FREM1: variants seen among roughly 807,000 people sequenced by gnomAD.
The protein encoded by FREM1 is FRAS1 related extracellular matrix 1, also known as FRAS1-related extracellular matrix protein 1.
A neutral mutation model predicts 210.1 loss-of-function variants in FREM1; 220 were observed. The ratio of observed to expected loss-of-function variants is 1.05; its 90% CI spans 0.94 to 1.17. FREM1 has a LOEUF of 1.17. FREM1 is among the 50% of genes most tolerant of loss of function. The pLI, the probability that FREM1 is intolerant of heterozygous loss-of-function variation, is 0.00. For synonymous variants in FREM1, 1,189 were observed against 980.2 expected (o/e 1.21, Z -3.98); for missense variants, 3,454 against 2,675.5 (o/e 1.29, Z -6.42).
intron 10 of FREM1, among the ~76,000 whole-genome samples, 181 bp downstream of exon 10, chr9:14,841,266 T>C (rs1389684529): frequency 6.6e-6 from 1 of 152,206 alleles, no homozygotes; most frequent in Admixed American, 6.5e-5. Flanking sequence ...TCTATAAAAG[T>C]CTTTCAAAAA....
At chr9:14,740,336 A>G in intron 35 of FREM1, 102 bp from the exon 36 acceptor site, 2 of 847,954 alleles carry the variant, frequency 2.4e-6, no homozygotes, top group Non-Finnish European at 3.8e-6. Context: ...ATACACAAAA[A>G]AGTAGGTCTT....
intron 29 of FREM1, among the ~76,000 whole-genome samples, chr9:14,754,963 A>C (rs1371366340): frequency 6.6e-6 from 1 of 152,144 alleles, no homozygotes; most frequent in African/African-American, 2.4e-5. Flanking sequence ...GGGACTTTAT[A>C]ACACAGACAT....
At chr9:14,828,643 C>G (rs2779506) in intron 10 of FREM1, among the ~76,000 whole-genome samples, 18,610 of 48,508 alleles carry the variant, frequency 0.38, 2,711 homozygotes, top group East Asian at 0.66. Flanking sequence ...TGTGGCGGGG[C>G]GGGGGAGGTG....
intron 3 of FREM1, among the ~76,000 whole-genome samples, chr9:14,860,814 T>C (rs1260191333): frequency 1.0e-5 from 1 of 95,714 alleles, no homozygotes; most frequent in East Asian, 2.9e-4. Flanking sequence ...TATACATATA[T>C]ACACATATAT....
intron 3 of FREM1, among the ~76,000 whole-genome samples, chr9:14,860,720 C>CATAT (rs200736147): frequency 1.2e-5 from 1 of 86,624 alleles, no homozygotes; most frequent in Non-Finnish European, 2.3e-5. Context: ...CATATATACA[C>CATAT]ATATATACAC....
chr9:14,807,047 C>T (rs1818498841), intron 17 of FREM1, among the ~76,000 whole-genome samples: 1 of 152,090 alleles, frequency 6.6e-6, no homozygotes, highest in Non-Finnish European at 1.5e-5. Flanking sequence ...TTTACTTTGA[C>T]CTATGGAATT....
At chr9:14,738,540 G>C (rs1270032240) in intron 36 of FREM1, among the ~76,000 whole-genome samples, 1 of 152,154 alleles carries the variant, frequency 6.6e-6, no homozygotes. Flanking sequence ...CCTCCAGCTT[G>C]TCTCTTAATA....
chr9:14,780,800 T>C (rs1849538826), intron 24 of FREM1, among the ~76,000 whole-genome samples: 1 of 152,200 alleles, frequency 6.6e-6, no homozygotes, highest in Non-Finnish European at 1.5e-5. Context: ...GTGATTAGAT[T>C]GGTTGCATAT....
At chr9:14,805,708 T>C (rs1818226329) in intron 18 of FREM1, among the ~76,000 whole-genome samples, 6 of 152,248 alleles carry the variant, frequency 3.9e-5, no homozygotes, top group Admixed American at 3.9e-4. Flanking sequence ...CTGAGTAACA[T>C]TGAATGCAAT....
At chr9:14,904,997 T>C (rs1817443288) in intron 1 of FREM1, among the ~76,000 whole-genome samples, 1 of 151,906 alleles carries the variant, frequency 6.6e-6, no homozygotes, top group African/African-American at 2.4e-5. Flanking sequence ...CAGGCCTCAA[T>C]CTCCCAAACC....
chr9:14,857,661 G>C lies in FREM1; in HGVS notation c.720C>G (p.Phe240Leu). ...IGSLKVSCEE[F>L]LLMGLRYQHL... ...GCTGATAACGAAGGCCCATCAGCAG[G>C]AACTCCTCACAGCTCACTTTGAGGC... is the stretch of plus-strand genomic sequence containing the variant. Residue 240 changes from phenylalanine (F) to leucine (L), a missense_variant, in exon 5 of 37, where the codon TTC becomes TTG. Coordinates refer to ENST00000380880, the MANE Select transcript of FREM1 (RefSeq NM_001379081.2). The C allele has an allele frequency of 6.2e-7, 1 of 1,613,574 alleles. No homozygotes were observed. Among genetic ancestry groups the C allele is most frequent in the Non-Finnish European group, 8.5e-7 (1 of 1,179,596 alleles).
At chr9:14,806,533 C>T in intron 18 of FREM1, 128 bp downstream of exon 18, 1 of 641,758 alleles carries the variant, frequency 1.6e-6, no homozygotes, top group Non-Finnish European at 2.8e-6. Context: ...GGATTACAGG[C>T]ATCAGCCACC....
intron 1 of FREM1, among the ~76,000 whole-genome samples, chr9:14,906,637 T>C (rs547119907): frequency 6.6e-6 from 1 of 152,336 alleles, no homozygotes; most frequent in Admixed American, 6.5e-5. Flanking sequence ...TTTGAGTTTG[T>C]AATTTACCAA....
At chr9:14,777,358 A>T (rs62535349) in intron 24 of FREM1, among the ~76,000 whole-genome samples, 338 of 151,880 alleles carry the variant, frequency 2.2e-3, no homozygotes, top group Middle Eastern at 6.8e-3. Context: ...AATTATGCAA[A>T]CAAGGCACAA....
At chr9:14,791,987 T>G (rs1436843022) in intron 22 of FREM1, among the ~76,000 whole-genome samples, 1 of 151,970 alleles carries the variant, frequency 6.6e-6, no homozygotes, top group East Asian at 1.9e-4. Context: ...TGGGATTACA[T>G]GTGTGTGCTG....
chr9:14,795,817 C>G (rs1029839227), intron 21 of FREM1, among the ~76,000 whole-genome samples: 3 of 152,292 alleles, frequency 2.0e-5, no homozygotes, highest in South Asian at 2.1e-4. Context: ...ATCTAATATA[C>G]TGTCTGTCCT....
intron 13 of FREM1, 75 bp downstream of exon 13, chr9:14,823,085 A>G (rs1420902964): frequency 1.8e-6 from 2 of 1,121,786 alleles, no homozygotes; most frequent in Non-Finnish European, 2.5e-6. Flanking sequence ...AAGGAAAGTT[A>G]CCATTTCTAG....
chr9:14,804,878 G>A, intron 19 of FREM1, 78 bp downstream of exon 19: 1 of 1,064,132 alleles, frequency 9.4e-7, no homozygotes, highest in Admixed American at 1.8e-5. Flanking sequence ...AATGCACTTG[G>A]AGCAATGTAA....
intron 14 of FREM1, among the ~76,000 whole-genome samples, chr9:14,818,536 T>C (rs1820718141): frequency 1.3e-5 from 2 of 152,240 alleles, no homozygotes; most frequent in South Asian, 4.1e-4. Context: ...AGTGAGTGTG[T>C]GGGTCTACCC....
Sources: gnomAD v4.1 joint callset for allele counts (sites outside exome capture counted in the v4.1 genomes callset) on GRCh38, gnomAD v4.1.1 for gene constraint, MANE v1.5 for transcripts, NCBI Gene and HGNC (gene_info 2026-07-23, HGNC 2026-07-21) for gene names.